Variants in COQ8B observed in about 807,000 individuals in gnomAD.
The protein encoded by COQ8B is atypical kinase COQ8B, mitochondrial.
In COQ8B, 44 loss-of-function variants were observed where a neutral mutation model predicts 62.0. That is an observed-to-expected ratio of 0.71 (90% CI 0.56 to 0.91). The LOEUF is 0.91. COQ8B is among the 40% of genes least tolerant of loss of function. The pLI is 0.00. For missense variants in COQ8B, 649 were observed against 731.6 expected, an observed-to-expected ratio of 0.89 and a Z score of 1.30; for synonymous variants, 252 against 289.9, an observed-to-expected ratio of 0.87 and a Z score of 1.33.
chr19:40,699,103 C>T (rs1023459328), intron 12 of COQ8B, among the ~76,000 whole-genome samples: 5 of 151,838 alleles, frequency 3.3e-5, no homozygotes, highest in Non-Finnish European at 7.4e-5. Flanking sequence ...CATGAGCCAC[C>T]ATGCTCAGCC....
chr19:40,709,937 G>A, intron 5 of COQ8B, 122 bp downstream of exon 5: 1 of 915,106 alleles, frequency 1.1e-6, no homozygotes, highest in South Asian at 1.5e-5. Flanking sequence ...TCTAAGAGGT[G>A]GGTAAATTAT....
At position 40,700,420 on chromosome 19, in the gene COQ8B, C is replaced by A; in HGVS notation, c.925G>T (p.Val309Phe). 6.2e-7 allele frequency: 1 copy of A among 1,613,948 alleles called. No homozygotes were observed. Among genetic ancestry groups the A allele is most frequent in the Non-Finnish European group, 8.5e-7 (1 of 1,179,962 alleles). The change falls in exon 11 of 15, where the codon GTC becomes TTC. Residue 309 changes from valine (V) to phenylalanine (F), a missense_variant. Val to Phe is a conservative substitution (Grantham distance 50). Coordinates refer to ENST00000324464, the MANE Select transcript of COQ8B (RefSeq NM_024876.4). ...CACAGCTCCTTAACCACGGCTGGGACCCGGAAGAAGGGGTCATTTGCCAGC... is the reference window on the plus strand; with the variant it reads ...CACAGCTCCTTAACCACGGCTGGGAACCGGAAGAAGGGGTCATTTGCCAGC... ...QLLANDPFFR[V>F]PAVVKELCTT...
rs1349807249 is a variant in COQ8B, at chr19:40,703,844, T to TTCAAGAAC, written c.580_587dup (p.Glu197PhefsTer35). 6.2e-7 allele frequency: 1 copy of TTCAAGAAC among 1,610,230 alleles called. No homozygotes were observed. The highest frequency in any genetic ancestry group is 8.5e-7 in the Non-Finnish European group (1 of 1,177,218). On this transcript the variant is annotated frameshift_variant, in exon 8 of 15. Transcript: ENST00000324464. LOFTEE classifies it high-confidence loss of function. ...CCTGCCAGTCCCTGCCGAGCTCCTC[T>TTCAAGAAC]TCAAGAACTCTCTGCGGGGAGTGGT...
At position 40,710,158 on chromosome 19, in the gene COQ8B, T is replaced by C. The variant is rs747019684; in HGVS notation, c.290-22A>G. 5.0e-6 allele frequency: 8 copies of C among 1,613,044 alleles called. No homozygotes were observed. The African/African-American group carries it at 6.7e-5, about 13-fold the overall frequency. ...AGTCCTGGAGTGCAAGAGAAGAACA[T>C]GAGTGCCCGTTTGCCTGGGGTGCCC... On this transcript the variant is annotated intron_variant, in intron 4 of 14. Transcript: ENST00000324464.
chr19:40,692,739 T>G (rs896181043), intron 14 of COQ8B, among the ~76,000 whole-genome samples: 8 of 149,986 alleles, frequency 5.3e-5, no homozygotes, highest in African/African-American at 2.0e-4. Context: ...GCCCCCAGCA[T>G]GGATAAGCAT....
At chr19:40,710,196 ACTCT>A (rs1476074222) in intron 4 of COQ8B, 60 bp from the exon 5 acceptor site, 1 of 1,468,092 alleles carries the variant, frequency 6.8e-7, no homozygotes, top group Non-Finnish European at 9.5e-7. Context: ...AGCCTAACCC[ACTCT>A]CCTTTCTCAG....
chr19:40,705,511 G>T lies in COQ8B; in HGVS notation c.368-64C>A, dbSNP rs572323647. On this transcript the variant is annotated intron_variant, in intron 5 of 14. Coordinates refer to ENST00000324464, the MANE Select transcript of COQ8B (RefSeq NM_024876.4). ...ATCATCACTGCGGCCAGGCCCGGCG[G>T]CCCACGCCTGTAATCCCAGCACTTT... The T allele has an allele frequency of 7.8e-5, 115 of 1,480,480 alleles. No homozygotes were observed. The African/African-American group carries it at 1.5e-3, about 19-fold the overall frequency. 91.7% of individuals were successfully genotyped at this position (1,480,480 alleles called of 1,614,324 possible). A position where few individuals can be genotyped will look rare whatever the true frequency, so the allele number is the denominator to read the frequency against.
At position 40,710,099 on chromosome 19, in the gene COQ8B, C is replaced by T; in HGVS notation, c.327G>A (p.Glu109=). 1 of 1,614,070 alleles carries T rather than the reference C, an allele frequency of 6.2e-7. No individual in the cohort carries two copies. The highest frequency in any genetic ancestry group is 8.5e-7 in the Non-Finnish European group (1 of 1,179,958). The change falls in exon 5 of 15, where the codon GAG becomes GAA. Residue 109 remains glutamate, a synonymous_variant. Coordinates refer to ENST00000324464, the MANE Select transcript of COQ8B (RefSeq NM_024876.4). The part of the protein sequence containing the change: ...AVGLGLGVLA[E]MAKKSMPGGR... ...CTCCTGGCATGGACTTCTTAGCCATCTCGGCCAGTACTCCTAGCCCCAAGC... is the reference window on the plus strand; with the variant it reads ...CTCCTGGCATGGACTTCTTAGCCATTTCGGCCAGTACTCCTAGCCCCAAGC...
Position 40,693,085 on chromosome 19 carries a change from G to A in COQ8B, c.1210-48C>T, listed in dbSNP as rs188904816. ...GAGGGACAAAGGCCGGGGCTCAAGGGGGCTCTGGAGAAGAGGAGCTGGAAG... is the reference window on the plus strand; with the variant it reads ...GAGGGACAAAGGCCGGGGCTCAAGGAGGCTCTGGAGAAGAGGAGCTGGAAG... On this transcript the variant is annotated intron_variant, in intron 13 of 14. Coordinates refer to ENST00000324464, the MANE Select transcript of COQ8B (RefSeq NM_024876.4). 115 of 1,540,492 alleles carry A rather than the reference G, an allele frequency of 7.5e-5. No homozygotes were observed. The East Asian group carries it at 2.5e-3, about 33-fold the overall frequency.
At chr19:40,695,634 T>C (rs1056218569) in intron 13 of COQ8B, among the ~76,000 whole-genome samples, 1 of 152,034 alleles carries the variant, frequency 6.6e-6, no homozygotes, top group African/African-American at 2.4e-5. Flanking sequence ...TGGGCAGTGG[T>C]TGGAAGCTTG....
intron 5 of COQ8B, among the ~76,000 whole-genome samples, chr19:40,709,798 C>A (rs1017643107): frequency 6.6e-6 from 1 of 151,898 alleles, no homozygotes; most frequent in Non-Finnish European, 1.5e-5. Flanking sequence ...GCCAAGACTG[C>A]GCCATTGTAC....
chr19:40,699,253 A>G (rs1471013448), intron 12 of COQ8B, among the ~76,000 whole-genome samples: 1 of 151,500 alleles, frequency 6.6e-6, no homozygotes, highest in East Asian at 1.9e-4. Context: ...TCAGCCTCTC[A>G]GTGGCCTCAG....
intron 5 of COQ8B, among the ~76,000 whole-genome samples, chr19:40,705,787 G>T: frequency 6.6e-6 from 1 of 152,128 alleles, no homozygotes. Context: ...AATTAGCTGG[G>T]TGTATGGTGG....
intron 4 of COQ8B, among the ~76,000 whole-genome samples, chr19:40,712,946 G>C (rs547648149): frequency 2.6e-5 from 4 of 152,328 alleles, no homozygotes; most frequent in Admixed American, 2.0e-4. Flanking sequence ...AGGAGCAGTG[G>C]CTCATGCCTA....
In COQ8B at chr19:40,702,778, TCCCGCGCTGTC is replaced by T. The variant is rs886554685; in HGVS notation, c.800-96_800-86del. 3.2e-6 allele frequency: 4 copies of T among 1,231,234 alleles called. No individual in the cohort carries two copies. In the African/African-American group the frequency reaches 6.4e-5, roughly 20 times the overall value. The allele number at this position is 1,231,234 out of a possible 1,614,324, so 76.3% of individuals were successfully genotyped here. On this transcript the variant is annotated intron_variant, in intron 9 of 14. Coordinates refer to ENST00000324464, the MANE Select transcript of COQ8B (RefSeq NM_024876.4). ...TCCTGCCAACCCTCTCTCTCCTGTC[TCCCGCGCTGTC>T]CCTCACAGCTCCTACTCTAGGCCTG...
chr19:40,694,419 G>A (rs190555904), intron 13 of COQ8B, among the ~76,000 whole-genome samples: 4 of 152,356 alleles, frequency 2.6e-5, no homozygotes, highest in African/African-American at 7.2e-5. Flanking sequence ...AGTACGAGCT[G>A]TAGAGCGCAG....
chr19:40,698,485 C>T (rs992069016), intron 12 of COQ8B, among the ~76,000 whole-genome samples: 1 of 151,666 alleles, frequency 6.6e-6, no homozygotes, highest in African/African-American at 2.4e-5. Context: ...CTTCAGTGAG[C>T]TGAGATCGTG....
At chr19:40,712,123 A>G (rs1209579981) in intron 4 of COQ8B, among the ~76,000 whole-genome samples, 1 of 151,990 alleles carries the variant, frequency 6.6e-6, no homozygotes, top group African/African-American at 2.4e-5. Context: ...CCTGGGTACA[A>G]GCAAGTGAAT....
At chr19:40,695,520 GC>G (rs2082008204) in intron 13 of COQ8B, among the ~76,000 whole-genome samples, 1 of 152,052 alleles carries the variant, frequency 6.6e-6, no homozygotes, top group Non-Finnish European at 1.5e-5. Context: ...AGACAGAGTT[GC>G]CCCCAGGGAC....
Sources: allele counts gnomAD v4.1 joint callset (sites outside exome capture counted in the v4.1 genomes callset), GRCh38; gene constraint gnomAD v4.1.1; transcripts MANE v1.5; gene names NCBI Gene and HGNC (gene_info 2026-07-23, HGNC 2026-07-21).